Variants in MAP4K5 observed in about 807,000 individuals in gnomAD.
MAP4K5 encodes mitogen-activated protein kinase kinase kinase kinase 5.
In MAP4K5, 82 loss-of-function variants were observed where a neutral mutation model predicts 135.6. That is an observed-to-expected ratio of 0.60 (90% confidence interval 0.51 to 0.73). The LOEUF is 0.73. MAP4K5 is among the 30% of genes least tolerant of loss of function. MAP4K5 has a pLI of 0.00. For missense variants in MAP4K5, 907 were observed against 1,010.9 expected, an observed-to-expected ratio of 0.90 and a Z score of 1.39; for synonymous variants, 347 against 335.0, an observed-to-expected ratio of 1.04 and a Z score of -0.39.
intron 1 of MAP4K5, chr14:50,560,527 G>T: frequency 1.7e-6 from 1 of 588,532 alleles, no homozygotes; most frequent in South Asian, 2.0e-5. Flanking sequence ...CGCGCAGGCC[G>T]GGCCTCCAGC....
intron 2 of MAP4K5, among the ~76,000 whole-genome samples, chr14:50,506,069 CTATAT>C (rs2037803602): frequency 6.6e-6 from 1 of 151,828 alleles, no homozygotes; most frequent in African/African-American, 2.4e-5. Context: ...TTTTCATTTA[CTATAT>C]TAGATTTGAA....
rs989110853 is a variant in MAP4K5, at chr14:50,440,132, C to T, written c.1645-59G>A. 5.6e-6 allele frequency: 6 copies of T among 1,080,454 alleles called. No individual in the cohort carries two copies. In the Admixed American group the frequency reaches 1.7e-4, roughly 30 times the overall value. The allele number at this position is 1,080,454 out of a possible 1,614,324, so 66.9% of individuals were successfully genotyped here. A position where few individuals can be genotyped will look rare whatever the true frequency, so the allele number is the denominator to read the frequency against. On this transcript the variant is annotated intron_variant, in intron 22 of 32. Transcript: ENST00000682126. ...TGTCATTATTTTAATCTTTTAAATT[C>T]CAACATTCTGAAATCATATAAAAAT...
chr14:50,475,593 G>C (rs886107737), intron 8 of MAP4K5, among the ~76,000 whole-genome samples: 1 of 152,014 alleles, frequency 6.6e-6, no homozygotes, highest in African/African-American at 2.4e-5. Flanking sequence ...TGTAATCCCT[G>C]CTACTTGGGA....
intron 20 of MAP4K5, 21 bp downstream of exon 20, chr14:50,443,708 T>G: frequency 6.4e-7 from 1 of 1,572,794 alleles, no homozygotes. Context: ...GGCAAATAGT[T>G]CACATAAAAA....
intron 3 of MAP4K5, among the ~76,000 whole-genome samples, chr14:50,490,055 C>T (rs1256399448): frequency 1.3e-5 from 2 of 151,218 alleles, no homozygotes; most frequent in African/African-American, 4.9e-5. Flanking sequence ...TTTCCTTGGG[C>T]TCCTCAAGTA....
Position 50,443,782 on chromosome 14 carries a change from A to G in MAP4K5, c.1438-12T>C. On this transcript the variant is annotated splice_polypyrimidine_tract_variant and intron_variant, in intron 19 of 32. Coordinates refer to ENST00000682126, the MANE Select transcript of MAP4K5 (RefSeq NM_006575.6). ...TTGATGGCTGGTTTCTATGGGAAAA[A>G]TAAAATTTACTAGTGTAAGACCTCC... The G allele has an allele frequency of 6.3e-7, 1 of 1,595,540 alleles. No individual in the cohort carries two copies. Among genetic ancestry groups the G allele is most frequent in the African/African-American group, 1.4e-5 (1 of 73,960 alleles).
At chr14:50,469,539 A>C (rs1326982179) in intron 9 of MAP4K5, among the ~76,000 whole-genome samples, 2 of 152,236 alleles carry the variant, frequency 1.3e-5, no homozygotes, top group Non-Finnish European at 2.9e-5. Flanking sequence ...CTAAAACTGC[A>C]TGGCAAGATG....
At chr14:50,502,310 T>G (rs140590964) in intron 3 of MAP4K5, among the ~76,000 whole-genome samples, 2 of 152,278 alleles carry the variant, frequency 1.3e-5, no homozygotes, top group African/African-American at 4.8e-5. Flanking sequence ...TGTATGTCCG[T>G]ATAGTTGCAA....
chr14:50,428,715 G>A lies in MAP4K5; in HGVS notation c.2273C>T (p.Ser758Leu). The A allele has an allele frequency of 6.6e-7, 1 of 1,511,498 alleles. No homozygotes were observed. The allele number at this position is 1,511,498 out of a possible 1,614,324, so 93.6% of individuals were successfully genotyped here. ...TAACTCAGAGGCCAGTTTCTTACTT[G>A]ATTTTAATTTTCCTTGTAGATTTAC... ...KIVNLQGKLK[S>L]SKKLASELSF... The change falls in exon 30 of 33, where the codon TCA becomes TTA. Residue 758 changes from serine (S) to leucine (L), a missense_variant. Ser to Leu is a moderately radical substitution (Grantham distance 145, BLOSUM62 -2). Coordinates refer to ENST00000682126, the MANE Select transcript of MAP4K5 (RefSeq NM_006575.6).
intron 1 of MAP4K5, among the ~76,000 whole-genome samples, chr14:50,557,292 C>T (rs1192926091): frequency 6.6e-6 from 1 of 152,182 alleles, no homozygotes; most frequent in Non-Finnish European, 1.5e-5. Context: ...TCCCTACTAC[C>T]CTCTTCCCAT....
intron 2 of MAP4K5, among the ~76,000 whole-genome samples, chr14:50,540,768 T>C (rs7154254): frequency 0.88 from 133,380 of 152,108 alleles, 60,686 homozygotes; most frequent in Non-Finnish European, 0.99. Flanking sequence ...ATTAGGTTTC[T>C]AGGGAGCTAT....
chr14:50,438,863 G>C (rs2139688448), intron 23 of MAP4K5, among the ~76,000 whole-genome samples: 1 of 152,068 alleles, frequency 6.6e-6, no homozygotes, highest in Admixed American at 6.6e-5. Flanking sequence ...CCTCCTATTG[G>C]GCGTTGCTAT....
intron 6 of MAP4K5, among the ~76,000 whole-genome samples, chr14:50,481,526 A>C (rs988594488): frequency 9.2e-5 from 14 of 152,120 alleles, no homozygotes; most frequent in African/African-American, 2.9e-4. Context: ...TAGGGATAGA[A>C]GCATTAATTA....
intron 3 of MAP4K5, among the ~76,000 whole-genome samples, chr14:50,489,915 T>C (rs1403675108): frequency 6.6e-6 from 1 of 152,162 alleles, no homozygotes; most frequent in Admixed American, 6.5e-5. Context: ...AGTACATCCT[T>C]ACACAGGAAA....
chr14:50,462,495 T>C (rs948856990), intron 13 of MAP4K5, among the ~76,000 whole-genome samples, 170 bp downstream of exon 13: 3 of 152,188 alleles, frequency 2.0e-5, no homozygotes, highest in Non-Finnish European at 4.4e-5. Context: ...TAAAAAAGTA[T>C]CAACTGATAA....
At chr14:50,557,746 G>T (rs1015838877) in intron 1 of MAP4K5, among the ~76,000 whole-genome samples, 1 of 152,160 alleles carries the variant, frequency 6.6e-6, no homozygotes, top group Non-Finnish European at 1.5e-5. Flanking sequence ...TCCACTGAAA[G>T]GGTCTAGAAA....
chr14:50,522,431 A>G (rs1398816506), intron 2 of MAP4K5, among the ~76,000 whole-genome samples: 1 of 152,198 alleles, frequency 6.6e-6, no homozygotes, highest in Non-Finnish European at 1.5e-5. Context: ...CTCTTTAGGC[A>G]GTCACAAAAT....
chr14:50,499,990 T>C (rs1225276106), intron 3 of MAP4K5, among the ~76,000 whole-genome samples: 2 of 152,100 alleles, frequency 1.3e-5, no homozygotes, highest in Admixed American at 6.6e-5. Flanking sequence ...GGGAAAAAAA[T>C]GTCTATAGAG....
intron 2 of MAP4K5, among the ~76,000 whole-genome samples, chr14:50,538,083 G>A (rs1246461346): frequency 6.6e-6 from 1 of 152,170 alleles, no homozygotes; most frequent in South Asian, 2.1e-4. Flanking sequence ...GAATTCCCAC[G>A]TGAGAGAGGG....
Sources: allele counts gnomAD v4.1 joint callset (sites outside exome capture counted in the v4.1 genomes callset), GRCh38; gene constraint gnomAD v4.1.1; transcripts MANE v1.5; gene names NCBI Gene and HGNC (gene_info 2026-07-23, HGNC 2026-07-21).